KCNJ6: variants seen among roughly 807,000 people sequenced by gnomAD.
KCNJ6 encodes potassium inwardly rectifying channel subfamily J member 6, also known as G protein-activated inward rectifier potassium channel 2.
KCNJ6 carries 9 observed loss-of-function variants against 34.2 expected under a neutral mutation model. That is an observed-to-expected ratio of 0.26 (90% CI 0.16 to 0.46). The LOEUF (loss-of-function observed/expected upper bound fraction) is 0.46, where lower values mean the gene tolerates loss of function less well. Among genes scored for constraint, KCNJ6 ranks in the 20% least tolerant of loss-of-function variants. The pLI is 1.00. For synonymous variants in KCNJ6, 196 were observed against 207.1 expected (o/e 0.95, Z 0.46); for missense variants, 236 against 531.3 (o/e 0.44, Z 5.46).
intron 2 of KCNJ6, among the ~76,000 whole-genome samples, chr21:37,824,230 C>T (rs914044184): frequency 2.0e-5 from 3 of 152,194 alleles, no homozygotes; most frequent in African/African-American, 7.2e-5. Flanking sequence ...TGAGAAATCA[C>T]CAGAATTCCT....
intron 1 of KCNJ6, among the ~76,000 whole-genome samples, chr21:37,911,683 T>A (rs770926542): frequency 2.6e-5 from 4 of 152,156 alleles, no homozygotes; most frequent in Non-Finnish European, 5.9e-5. Context: ...CCATTTCCAT[T>A]TCCATATTAC....
chr21:37,786,109 C>T (rs1024933753), intron 2 of KCNJ6, among the ~76,000 whole-genome samples: 1 of 152,240 alleles, frequency 6.6e-6, no homozygotes, highest in East Asian at 1.9e-4. Context: ...CAACTCTTTA[C>T]AGCCTAGCCC....
intron 2 of KCNJ6, among the ~76,000 whole-genome samples, chr21:37,720,959 G>A (rs1309972419): frequency 4.0e-5 from 6 of 151,226 alleles, no homozygotes; most frequent in Non-Finnish European, 7.4e-5. Context: ...CACCCGCCTC[G>A]GCCTCCCAAA....
At chr21:37,900,484 A>G (rs962057846) in intron 1 of KCNJ6, among the ~76,000 whole-genome samples, 14 of 152,372 alleles carry the variant, frequency 9.2e-5, no homozygotes, top group Middle Eastern at 3.4e-3. Context: ...CTTCTATTGC[A>G]GGAGACAGAA....
At chr21:37,632,604 C>A (rs2054338862) in intron 3 of KCNJ6, among the ~76,000 whole-genome samples, 1 of 151,938 alleles carries the variant, frequency 6.6e-6, no homozygotes, top group South Asian at 2.1e-4. Context: ...GTAAAATAGA[C>A]AAATCTCTGA....
chr21:37,862,215 A>ATT (rs2055598117), intron 1 of KCNJ6, among the ~76,000 whole-genome samples: 2 of 152,208 alleles, frequency 1.3e-5, no homozygotes, highest in Admixed American at 1.3e-4. Flanking sequence ...TCTATACAAC[A>ATT]GTTGAATCCC....
In KCNJ6 at chr21:37,621,438, AAAAGC is replaced by A. The variant is rs1186357779; in HGVS notation, c.*3716_*3720del. On this transcript the variant is annotated 3_prime_UTR_variant, in exon 4 of 4. Transcript: ENST00000609713. The stretch of plus-strand genomic sequence containing the variant: ...AAGACACTGGCTTAAATCTAAATAA[AAAAGC>A]AAAGGGGAAAAAAGTAAGAAAACTG... The A allele has an allele frequency of 6.6e-6, 1 of 152,240 alleles. No homozygotes were observed. Among genetic ancestry groups the A allele is most frequent in the Non-Finnish European group, 1.5e-5 (1 of 68,044 alleles). 9.4% of individuals were successfully genotyped at this position (152,240 alleles called of 1,614,324 possible).
chr21:37,658,343 C>T (rs1030478129), intron 3 of KCNJ6, among the ~76,000 whole-genome samples: 26 of 152,232 alleles, frequency 1.7e-4, no homozygotes, highest in African/African-American at 6.0e-4. Flanking sequence ...GAAATGCCTA[C>T]CCACGTGGGG....
intron 3 of KCNJ6, among the ~76,000 whole-genome samples, chr21:37,640,900 A>C (rs1199511772): frequency 6.6e-6 from 1 of 152,218 alleles, no homozygotes; most frequent in African/African-American, 2.4e-5. Flanking sequence ...TCATGAACTC[A>C]CTAAAGCCCA....
At chr21:37,856,277 GAGA>G (rs1291458547) in intron 1 of KCNJ6, among the ~76,000 whole-genome samples, 3 of 152,214 alleles carry the variant, frequency 2.0e-5, no homozygotes, top group East Asian at 1.9e-4. Flanking sequence ...AGTGAGATGG[GAGA>G]AGAATTACTG....
intron 3 of KCNJ6, among the ~76,000 whole-genome samples, chr21:37,657,929 C>G (rs936650065): frequency 6.6e-6 from 1 of 152,172 alleles, no homozygotes; most frequent in Non-Finnish European, 1.5e-5. Flanking sequence ...AGTGGTGAGT[C>G]GGGATTTGAA....
At position 37,723,517 on chromosome 21, in the gene KCNJ6, A is replaced by G. The variant is rs114726102; in HGVS notation, c.26-8386T>C. On this transcript the variant is annotated intron_variant, in intron 2 of 3. Transcript: ENST00000609713. ...CACAAAGAGTAAAGACATGGAATCA[A>G]CCTAGGTGCCCATCATTGGTGGACT... Among the ~76,000 whole-genome samples, 591 of 152,324 alleles carry G rather than the reference A, an allele frequency of 3.9e-3. 1 individual carries two copies. The highest frequency in any genetic ancestry group is 0.012 in the African/African-American group (495 of 41,578).
chr21:37,669,675 A>C (rs1199429853), intron 3 of KCNJ6, among the ~76,000 whole-genome samples: 5 of 150,348 alleles, frequency 3.3e-5, no homozygotes, highest in African/African-American at 1.2e-4. Context: ...CATGATGCTG[A>C]ATCTACTGTT....
At chr21:37,707,731 G>GTGTGTGTGTGTGTGTGTATGTGTGCA (rs1556022152) in intron 3 of KCNJ6, among the ~76,000 whole-genome samples, 1 of 150,940 alleles carries the variant, frequency 6.6e-6, no homozygotes, top group African/African-American at 2.4e-5. Flanking sequence ...GCATGTGTGT[G>GTGTGTGTGTGTGTGTGTATGTGTGCA]TGTGAATAAT....
chr21:37,807,688 G>C (rs891527289), intron 2 of KCNJ6, among the ~76,000 whole-genome samples: 7 of 152,220 alleles, frequency 4.6e-5, no homozygotes, highest in Non-Finnish European at 1.0e-4. Context: ...AGCAGGCTAT[G>C]CCATCTAGGT....
chr21:37,774,545 C>G, intron 2 of KCNJ6, among the ~76,000 whole-genome samples: 1 of 151,218 alleles, frequency 6.6e-6, no homozygotes, highest in Non-Finnish European at 1.5e-5. Context: ...GTTCCCCTTC[C>G]TGTGTCCATG....
chr21:37,708,938 G>A (rs954042942), intron 3 of KCNJ6, among the ~76,000 whole-genome samples: 2 of 152,104 alleles, frequency 1.3e-5, no homozygotes, highest in Non-Finnish European at 2.9e-5. Flanking sequence ...TGGCATTTTT[G>A]ATTACAGTAA....
chr21:37,851,963 T>A (rs899253268), intron 1 of KCNJ6, among the ~76,000 whole-genome samples: 1 of 151,860 alleles, frequency 6.6e-6, no homozygotes, highest in African/African-American at 2.4e-5. Context: ...AAATTGGAAA[T>A]GTCAATAGAT....
intron 2 of KCNJ6, among the ~76,000 whole-genome samples, chr21:37,743,390 T>G (rs1271998207): frequency 6.6e-6 from 1 of 152,222 alleles, no homozygotes; most frequent in Non-Finnish European, 1.5e-5. Context: ...GTCAGCTTGC[T>G]GTTTGGGTAC....
Sources: gnomAD v4.1 joint callset for allele counts (sites outside exome capture counted in the v4.1 genomes callset) on GRCh38, gnomAD v4.1.1 for gene constraint, MANE v1.5 for transcripts, NCBI Gene and HGNC (gene_info 2026-07-23, HGNC 2026-07-21) for gene names.